The following CEP290 variants were observed in gnomAD, a reference collection of about 807,000 sequenced individuals.
The protein encoded by CEP290 is centrosomal protein of 290 kDa.
In CEP290, 317 loss-of-function variants were observed where a neutral mutation model predicts 344.9. The observed-to-expected ratio is 0.92, with a 90% CI of 0.84 to 1.01. The LOEUF (loss-of-function observed/expected upper bound fraction) is 1.01, where lower values mean the gene tolerates loss of function less well. Ranked by LOEUF, CEP290 falls within the 50% of genes least tolerant of loss-of-function variation. The pLI, the probability that CEP290 is intolerant of heterozygous loss-of-function variation, is 0.00. For missense variants in CEP290, 2,754 were observed against 2,761.4 expected (o/e 1.00, Z 0.06); for synonymous variants, 932 against 895.8 (o/e 1.04, Z -0.72).
At chr12:88,080,038 G>C (rs912651872) in intron 38 of CEP290, 144 bp downstream of exon 38, 4 of 608,814 alleles carry the variant, frequency 6.6e-6, no homozygotes, top group Non-Finnish European at 1.1e-5. Context: ...AAAATACCTT[G>C]TTTAACAGCA....
intron 45 of CEP290, 119 bp from the exon 46 acceptor site, chr12:88,062,897 G>C (rs1196835136): frequency 1.6e-6 from 1 of 607,942 alleles, no homozygotes; most frequent in African/African-American, 1.9e-5. Flanking sequence ...CCAAATAATA[G>C]GGTCTCTATA....
At chr12:88,109,820 T>C (rs963710781) in intron 22 of CEP290, among the ~76,000 whole-genome samples, 1 of 152,174 alleles carries the variant, frequency 6.6e-6, no homozygotes, top group African/African-American at 2.4e-5. Context: ...TTCTGATATA[T>C]TTCTTATACA....
chr12:88,086,381 T>A lies in CEP290; in HGVS notation c.4302+10A>T. 6.4e-7 allele frequency: 1 copy of A among 1,567,022 alleles called. No homozygotes were observed. On this transcript the variant is annotated intron_variant, in intron 33 of 53. Transcript: ENST00000552810. ...GCTACAGAGTAACAAACAAGATTAATCATTCATACCTTTTGTGCCGCATTT... is the reference window on the plus strand; with the variant it reads ...GCTACAGAGTAACAAACAAGATTAAACATTCATACCTTTTGTGCCGCATTT...
At chr12:88,136,591 A>T (rs760247371) in intron 6 of CEP290, 52 bp downstream of exon 6, 40 of 1,559,666 alleles carry the variant, frequency 2.6e-5, no homozygotes, top group Non-Finnish European at 3.3e-5. Context: ...ATAATAATAA[A>T]AAGCCAGGTA....
At chr12:88,123,521 T>G (rs2039542556) in intron 13 of CEP290, among the ~76,000 whole-genome samples, 2 of 152,104 alleles carry the variant, frequency 1.3e-5, no homozygotes, top group South Asian at 4.1e-4. Flanking sequence ...ACATTCCTCA[T>G]GTGGTTTTCA....
chr12:88,050,951 C>T (rs113083484), intron 52 of CEP290, among the ~76,000 whole-genome samples: 2,492 of 152,180 alleles, frequency 0.016, 69 homozygotes, highest in African/African-American at 0.058. Context: ...GGTAGGAAAA[C>T]AAAAGTCTCC....
At chr12:88,121,207 T>G in intron 13 of CEP290, 41 bp from the exon 14 acceptor site, 1 of 1,489,236 alleles carries the variant, frequency 6.7e-7, no homozygotes, top group Non-Finnish European at 9.2e-7. Context: ...AATTGACTAC[T>G]TATTCCTTCA....
intron 1 of CEP290, 55 bp from the exon 2 acceptor site, chr12:88,141,389 T>G (rs1295121884): frequency 2.5e-6 from 2 of 812,776 alleles, no homozygotes; most frequent in Non-Finnish European, 3.7e-6. Context: ...ATTATTGGTT[T>G]TCTAGCACCT....
At chr12:88,113,622 A>G (rs1025204846) in intron 20 of CEP290, among the ~76,000 whole-genome samples, 2 of 152,060 alleles carry the variant, frequency 1.3e-5, no homozygotes, top group Non-Finnish European at 2.9e-5. Flanking sequence ...TGTACGCTAA[A>G]TATGTTCAGA....
At chr12:88,124,681 C>G (rs1042929801) in intron 13 of CEP290, among the ~76,000 whole-genome samples, 24 of 151,978 alleles carry the variant, frequency 1.6e-4, no homozygotes, top group African/African-American at 5.8e-4. Flanking sequence ...TTATAATAAA[C>G]ATGTCCATGA....
intron 6 of CEP290, among the ~76,000 whole-genome samples, chr12:88,131,843 T>G (rs1169972379): frequency 6.6e-6 from 1 of 152,178 alleles, no homozygotes; most frequent in African/African-American, 2.4e-5. Flanking sequence ...GCCCAACATC[T>G]TTATTTTACT....
chr12:88,064,197 T>G, intron 44 of CEP290, 82 bp from the exon 45 acceptor site: 1 of 1,213,818 alleles, frequency 8.2e-7, no homozygotes, highest in East Asian at 2.7e-5. Flanking sequence ...GAAAATACTG[T>G]CAAAAGGTAA....
rs1336379263 is a variant in CEP290, at chr12:88,092,534, C to T, written c.3461+147G>A. 16 of 575,142 alleles carry T rather than the reference C, an allele frequency of 2.8e-5. No individual in the cohort carries two copies. The East Asian group carries it at 5.3e-4, about 19-fold the overall frequency. 35.6% of individuals were successfully genotyped at this position (575,142 alleles called of 1,614,324 possible). A position where few individuals can be genotyped will look rare whatever the true frequency, so the allele number is the denominator to read the frequency against. ...TATTATTATTTAACCCTGTTAAAAC[C>T]GATCTTAATATTACTTAATCCTGTT... On this transcript the variant is annotated intron_variant, in intron 29 of 53. Transcript: ENST00000552810.
At chr12:88,062,803 A>C in intron 45 of CEP290, 25 bp from the exon 46 acceptor site, 1 of 1,427,628 alleles carries the variant, frequency 7.0e-7, no homozygotes, top group African/African-American at 1.4e-5. Flanking sequence ...GCAAACATGT[A>C]ATAATTTAAC....
chr12:88,075,446 G>T (rs1049305723), intron 41 of CEP290, among the ~76,000 whole-genome samples: 3 of 151,802 alleles, frequency 2.0e-5, no homozygotes, highest in African/African-American at 7.3e-5. Flanking sequence ...CAAATACTGA[G>T]CATCTACTAT....
At chr12:88,092,897 A>G in intron 28 of CEP290, 65 bp from the exon 29 acceptor site, 1 of 1,475,328 alleles carries the variant, frequency 6.8e-7, no homozygotes, top group South Asian at 1.2e-5. Flanking sequence ...TTTGTAATTT[A>G]GCTTTTAAAG....
chr12:88,115,842 G>T, intron 18 of CEP290: 9 of 983,652 alleles, frequency 9.1e-6, no homozygotes, highest in Non-Finnish European at 7.2e-6. Context: ...AGATAATTTT[G>T]ATTGTGCAGT....
Position 88,071,785 on chromosome 12 carries a change from C to T in CEP290, c.5851G>A (p.Ala1951Thr). 2 of 1,588,750 alleles carry T rather than the reference C, an allele frequency of 1.3e-6. No individual in the cohort carries two copies. Among genetic ancestry groups the T allele is most frequent in the South Asian group, 1.2e-5 (1 of 84,906 alleles). The change falls in exon 42 of 54, where the codon GCC (alanine) becomes ACC (threonine). Residue 1951 changes from alanine (A) to threonine (T), a missense_variant. By Grantham distance (58) the Ala-to-Thr change is moderately conservative (BLOSUM62 0). Coordinates refer to ENST00000552810, the MANE Select transcript of CEP290 (RefSeq NM_025114.4). ...TATAATGATATTTAAACTCACTTGGCAAAAAGATCCTTCAAAGTATTCAAC... is the reference window on the plus strand; with the variant it reads ...TATAATGATATTTAAACTCACTTGGTAAAAAGATCCTTCAAAGTATTCAAC... The part of the protein sequence containing the change: ...KQLNTLKDLF[A>T]KADKEKLTLQ...
chr12:88,061,131 A>T, intron 46 of CEP290, 137 bp from the exon 47 acceptor site: 1 of 605,700 alleles, frequency 1.7e-6, no homozygotes, highest in East Asian at 3.4e-5. Context: ...ATTCATCCTT[A>T]AAACAATTCT....
Sources: gnomAD v4.1 joint callset for allele counts (sites outside exome capture counted in the v4.1 genomes callset) on GRCh38, gnomAD v4.1.1 for gene constraint, MANE v1.5 for transcripts, NCBI Gene and HGNC (gene_info 2026-07-23, HGNC 2026-07-21) for gene names.